The following ITFG1 variants were observed in gnomAD, a reference collection of about 807,000 sequenced individuals.
ITFG1 encodes T-cell immunomodulatory protein.
ITFG1 carries 34 observed loss-of-function variants against 81.8 expected under a neutral mutation model. That is an observed-to-expected ratio of 0.42 (90% CI 0.32 to 0.55). The LOEUF is 0.55. ITFG1 is among the 20% of genes least tolerant of loss of function. The pLI, the probability that ITFG1 is intolerant of heterozygous loss-of-function variation, is 0.17. For synonymous variants in ITFG1, 285 were observed against 270.6 expected (o/e 1.05, Z -0.52); for missense variants, 672 against 755.4 (o/e 0.89, Z 1.29).
chr16:47,284,193 G>A (rs1966861584), intron 10 of ITFG1, among the ~76,000 whole-genome samples: 1 of 152,112 alleles, frequency 6.6e-6, no homozygotes, highest in South Asian at 2.1e-4. Flanking sequence ...TATACCAAAA[G>A]CCATTAGATT....
rs1214606550 is a variant in ITFG1, at chr16:47,352,287, GA to G, written c.802+13500del. Among the ~76,000 whole-genome samples the G allele has an allele frequency of 3.9e-5, 6 of 152,074 alleles. No homozygotes were observed. In the East Asian group the frequency reaches 5.8e-4, roughly 15 times the overall value. On this transcript the variant is annotated intron_variant, in intron 8 of 17. Transcript: ENST00000320640. ...TGAACAGGCAACCTACAGAATGGGA[GA>G]AAAGTTTTGCAATCTACTCATCTGA...
At chr16:47,333,437 T>C (rs1419090753) in intron 8 of ITFG1, among the ~76,000 whole-genome samples, 2 of 152,198 alleles carry the variant, frequency 1.3e-5, no homozygotes, top group Admixed American at 6.5e-5. Context: ...CTGAAAAATA[T>C]GGTTTTTCTC....
intron 8 of ITFG1, among the ~76,000 whole-genome samples, chr16:47,322,746 G>T (rs1967467781): frequency 6.6e-6 from 1 of 152,168 alleles, no homozygotes; most frequent in African/African-American, 2.4e-5. Context: ...TAGCTAATTA[G>T]CACATGCATT....
At chr16:47,345,016 T>C (rs1325709904) in intron 8 of ITFG1, among the ~76,000 whole-genome samples, 1 of 152,110 alleles carries the variant, frequency 6.6e-6, no homozygotes, top group African/African-American at 2.4e-5. Flanking sequence ...GAAATAGAAA[T>C]ATGAAAAGTT....
At chr16:47,185,335 C>G (rs1965196590) in intron 14 of ITFG1, among the ~76,000 whole-genome samples, 1 of 151,882 alleles carries the variant, frequency 6.6e-6, no homozygotes, top group African/African-American at 2.4e-5. Context: ...ATTTTTTCAG[C>G]ACCACACCAC....
At chr16:47,320,400 C>T (rs1168065490) in intron 8 of ITFG1, among the ~76,000 whole-genome samples, 1 of 152,196 alleles carries the variant, frequency 6.6e-6, no homozygotes, top group African/African-American at 2.4e-5. Flanking sequence ...CCCCCACCCA[C>T]ACCCTGTTTT....
At chr16:47,416,956 C>T (rs928824155) in intron 6 of ITFG1, among the ~76,000 whole-genome samples, 5 of 152,164 alleles carry the variant, frequency 3.3e-5, no homozygotes, top group African/African-American at 4.8e-5. Context: ...CCCAAGATAG[C>T]GGGACTACTG....
chr16:47,221,541 T>C (rs1362266328), intron 13 of ITFG1, among the ~76,000 whole-genome samples: 3 of 152,192 alleles, frequency 2.0e-5, no homozygotes, highest in African/African-American at 7.2e-5. Context: ...GGTCTAAAAT[T>C]CTCTTTTTTG....
At chr16:47,206,768 C>T (rs1351725733) in intron 14 of ITFG1, among the ~76,000 whole-genome samples, 1 of 152,162 alleles carries the variant, frequency 6.6e-6, no homozygotes, top group Non-Finnish European at 1.5e-5. Context: ...TTAACACATC[C>T]CTAGCCTGCC....
intron 8 of ITFG1, among the ~76,000 whole-genome samples, chr16:47,329,266 G>C (rs1474411978): frequency 6.6e-6 from 1 of 152,166 alleles, no homozygotes. Context: ...CTTGGGGGCA[G>C]CAGAAAGGAC....
intron 8 of ITFG1, among the ~76,000 whole-genome samples, chr16:47,319,810 T>C (rs1454455436): frequency 1.3e-5 from 2 of 152,224 alleles, no homozygotes; most frequent in Non-Finnish European, 2.9e-5. Flanking sequence ...TCCTTGTAAA[T>C]GTCAACATGT....
At chr16:47,319,385 T>C (rs545488322) in intron 8 of ITFG1, among the ~76,000 whole-genome samples, 3 of 152,318 alleles carry the variant, frequency 2.0e-5, no homozygotes, top group Admixed American at 6.5e-5. Context: ...AGAGAAAATG[T>C]CCATCAACTA....
At chr16:47,442,072 C>T (rs1969259494) in intron 5 of ITFG1, among the ~76,000 whole-genome samples, 1 of 152,154 alleles carries the variant, frequency 6.6e-6, no homozygotes, top group Non-Finnish European at 1.5e-5. Context: ...AGTGAACTCC[C>T]ATTCACAATG....
At chr16:47,229,489 G>A (rs1965792671) in intron 13 of ITFG1, among the ~76,000 whole-genome samples, 1 of 152,034 alleles carries the variant, frequency 6.6e-6, no homozygotes. Flanking sequence ...ATCTCAGGAA[G>A]CTAGATTTAG....
chr16:47,156,977 T>C (rs1010608055), intron 17 of ITFG1, among the ~76,000 whole-genome samples: 1 of 151,484 alleles, frequency 6.6e-6, no homozygotes, highest in African/African-American at 2.4e-5. Context: ...GGGGAGAGAA[T>C]GGAAAGGGGA....
At chr16:47,348,427 A>G (rs920444971) in intron 8 of ITFG1, among the ~76,000 whole-genome samples, 2 of 152,262 alleles carry the variant, frequency 1.3e-5, no homozygotes, top group Non-Finnish European at 2.9e-5. Context: ...AAGCTTCAAT[A>G]GCTGATTCCA....
At chr16:47,352,695 G>A (rs1171144584) in intron 8 of ITFG1, among the ~76,000 whole-genome samples, 14 of 152,034 alleles carry the variant, frequency 9.2e-5, no homozygotes, top group African/African-American at 1.9e-4. Flanking sequence ...TGACCCAGCC[G>A]TCCCATTACT....
chr16:47,392,251 C>CA (rs1198598291), intron 6 of ITFG1, among the ~76,000 whole-genome samples: 4 of 151,984 alleles, frequency 2.6e-5, no homozygotes, highest in African/African-American at 9.7e-5. Flanking sequence ...TCTGTCTCTA[C>CA]AAAAAACCCT....
chr16:47,234,614 C>T (rs1483035289), intron 13 of ITFG1, among the ~76,000 whole-genome samples: 1 of 151,990 alleles, frequency 6.6e-6, no homozygotes. Flanking sequence ...ATATCATATT[C>T]GAACCGCAAA....
Sources: gnomAD v4.1 joint callset for allele counts (sites outside exome capture counted in the v4.1 genomes callset) on GRCh38, gnomAD v4.1.1 for gene constraint, MANE v1.5 for transcripts, NCBI Gene and HGNC (gene_info 2026-07-23, HGNC 2026-07-21) for gene names.